Variants in CSMD1 observed in about 807,000 individuals in gnomAD.
CSMD1 encodes the protein CUB and sushi domain-containing protein 1.
CSMD1 carries 213 observed loss-of-function variants against 417.5 expected under a neutral mutation model. The observed-to-expected ratio is 0.51, with a 90% confidence interval of 0.46 to 0.57. The LOEUF is 0.57. CSMD1 is among the 20% of genes least tolerant of loss of function. CSMD1 has a pLI of 0.00. For missense variants in CSMD1, 6,923 were observed against 4,529.7 expected (o/e 1.53, Z -15.17); for synonymous variants, 2,862 against 1,736.8 (o/e 1.65, Z -16.11).
intron 11 of CSMD1, among the ~76,000 whole-genome samples, chr8:3,487,529 G>A (rs941949217): frequency 3.3e-5 from 5 of 152,186 alleles, no homozygotes; most frequent in Non-Finnish European, 5.9e-5. Flanking sequence ...GCAGATTTTA[G>A]GAATAGCATA....
chr8:3,660,466 C>T (rs935270228), intron 7 of CSMD1, among the ~76,000 whole-genome samples: 1 of 126,690 alleles, frequency 7.9e-6, no homozygotes, highest in Non-Finnish European at 1.7e-5. Flanking sequence ...TAAACTAGGG[C>T]TCAGATCAAG....
intron 2 of CSMD1, among the ~76,000 whole-genome samples, chr8:4,560,410 A>G (rs1293799791): frequency 1.3e-5 from 2 of 152,208 alleles, no homozygotes; most frequent in Non-Finnish European, 2.9e-5. Context: ...TTTCCTACAC[A>G]AAAGATCATG....
At chr8:4,208,233 C>G (rs907767206) in intron 3 of CSMD1, among the ~76,000 whole-genome samples, 1 of 152,102 alleles carries the variant, frequency 6.6e-6, no homozygotes, top group East Asian at 1.9e-4. Context: ...TGAAAGGTAA[C>G]TGCTCCTGTT....
At chr8:3,241,971 C>A (rs1002527418) in intron 26 of CSMD1, among the ~76,000 whole-genome samples, 2 of 125,952 alleles carry the variant, frequency 1.6e-5, no homozygotes, top group Non-Finnish European at 3.4e-5. Context: ...AATAAGACGG[C>A]CTTTTGACCT....
chr8:3,202,425 A>T (rs1391372294), intron 31 of CSMD1, among the ~76,000 whole-genome samples: 1 of 152,140 alleles, frequency 6.6e-6, no homozygotes, highest in Admixed American at 6.5e-5. Flanking sequence ...CATGTATCCT[A>T]CAGGTTATGA....
chr8:4,608,367 C>A (rs1025891912), intron 2 of CSMD1, among the ~76,000 whole-genome samples: 1 of 152,106 alleles, frequency 6.6e-6, no homozygotes, highest in African/African-American at 2.4e-5. Context: ...CTGACCGGAA[C>A]ATGGTGGAGT....
chr8:3,782,529 G>C (rs996563840), intron 5 of CSMD1, among the ~76,000 whole-genome samples: 5 of 152,170 alleles, frequency 3.3e-5, no homozygotes, highest in Non-Finnish European at 7.4e-5. Context: ...ATAGCATGAG[G>C]AGAAATACCT....
intron 10 of CSMD1, among the ~76,000 whole-genome samples, chr8:3,570,943 G>C (rs941042435): frequency 1.4e-4 from 22 of 152,094 alleles, no homozygotes; most frequent in African/African-American, 5.3e-4. Flanking sequence ...GAAAATAATA[G>C]AAACTAAAAT....
At chr8:4,224,117 G>T (rs1373022225) in intron 3 of CSMD1, among the ~76,000 whole-genome samples, 2 of 152,086 alleles carry the variant, frequency 1.3e-5, no homozygotes, top group Non-Finnish European at 2.9e-5. Flanking sequence ...AAGAGTAACT[G>T]AACATACCAT....
intron 3 of CSMD1, among the ~76,000 whole-genome samples, chr8:4,066,446 C>T (rs1799253470): frequency 6.6e-6 from 1 of 152,116 alleles, no homozygotes; most frequent in Admixed American, 6.5e-5. Context: ...TGCTAGCTAC[C>T]CGATAATATT....
At position 3,453,674 on chromosome 8, in the gene CSMD1, A is replaced by T. The variant is rs182619428; in HGVS notation, c.1561+15038T>A. On this transcript the variant is annotated intron_variant, in intron 12 of 69. Coordinates refer to ENST00000635120, the MANE Select transcript of CSMD1 (RefSeq NM_033225.6). Reference sequence around the variant, plus strand: ...TAGTTTTATTGCACTGTGGTCTGAGAGACAGTTTGTTATAATTTCTGTACT... The same window carrying T: ...TAGTTTTATTGCACTGTGGTCTGAGTGACAGTTTGTTATAATTTCTGTACT... Among the ~76,000 whole-genome samples the T allele has an allele frequency of 8.8e-3, 1,347 of 152,290 alleles. 4 individuals are homozygous for T. Among genetic ancestry groups the T allele is most frequent in the Non-Finnish European group, 0.015 (1,028 of 68,020 alleles).
chr8:3,130,566 C>G (rs1345323817), intron 41 of CSMD1, among the ~76,000 whole-genome samples: 1 of 152,178 alleles, frequency 6.6e-6, no homozygotes, highest in Non-Finnish European at 1.5e-5. Context: ...GCCAAATCCC[C>G]AGGCCCCCTG....
At chr8:4,088,365 C>G (rs1039626839) in intron 3 of CSMD1, among the ~76,000 whole-genome samples, 11 of 152,224 alleles carry the variant, frequency 7.2e-5, no homozygotes, top group African/African-American at 2.7e-4. Flanking sequence ...ACGGAAACGT[C>G]TTACTTTTGC....
intron 3 of CSMD1, among the ~76,000 whole-genome samples, chr8:4,235,329 A>G (rs1256454854): frequency 2.0e-5 from 3 of 151,652 alleles, no homozygotes; most frequent in Non-Finnish European, 4.4e-5. Flanking sequence ...TTATATAGCC[A>G]TTCATACTCA....
At chr8:4,838,122 C>G (rs1165676639) in intron 1 of CSMD1, among the ~76,000 whole-genome samples, 1 of 151,914 alleles carries the variant, frequency 6.6e-6, no homozygotes, top group African/African-American at 2.4e-5. Context: ...AACAGTAAAA[C>G]TTTTTTTTAA....
intron 3 of CSMD1, among the ~76,000 whole-genome samples, chr8:4,160,137 C>A (rs575857824): frequency 2.0e-5 from 3 of 151,280 alleles, no homozygotes; most frequent in African/African-American, 7.3e-5. Flanking sequence ...GTCTTAATTC[C>A]AAGTATTAAC....
intron 25 of CSMD1, among the ~76,000 whole-genome samples, chr8:3,301,990 A>C (rs1193603625): frequency 1.3e-5 from 2 of 152,152 alleles, no homozygotes; most frequent in Non-Finnish European, 2.9e-5. Context: ...TATCAAAAGA[A>C]TTCCATGAGC....
rs551272840 is a variant in CSMD1 at position 4,208,683 on chromosome 8, T to G, written c.416-176584A>C. Among the ~76,000 whole-genome samples the G allele has an allele frequency of 3.3e-5, 5 of 152,234 alleles. No individual in the cohort carries two copies. In the East Asian group the frequency reaches 7.7e-4, roughly 23 times the overall value. On this transcript the variant is annotated intron_variant, in intron 3 of 69. Coordinates refer to ENST00000635120, the MANE Select transcript of CSMD1 (RefSeq NM_033225.6). ...AAACCAATTATGCAAAACATCATGA[T>G]GAGTCAAGAAATGATTAAAAATATA... is the stretch of plus-strand genomic sequence containing the variant.
At chr8:4,454,963 A>G (rs1277104190) in intron 2 of CSMD1, among the ~76,000 whole-genome samples, 1 of 152,144 alleles carries the variant, frequency 6.6e-6, no homozygotes, top group East Asian at 1.9e-4. Context: ...TTGTTTCTTC[A>G]TGGACCTGGG....
Sources: allele counts gnomAD v4.1 joint callset (sites outside exome capture counted in the v4.1 genomes callset), GRCh38; gene constraint gnomAD v4.1.1; transcripts MANE v1.5; gene names NCBI Gene and HGNC (gene_info 2026-07-23, HGNC 2026-07-21).